The following NEGR1 variants were observed in gnomAD, a reference collection of about 807,000 sequenced individuals.
The protein encoded by NEGR1 is neuronal growth regulator 1, also known as IgLON family member 4.
Under a neutral mutation model 40.9 loss-of-function variants are expected in NEGR1, and 10 were observed. The observed-to-expected ratio is 0.24, with a 90% CI of 0.15 to 0.42. The LOEUF is 0.42. NEGR1 is among the 10% of genes least tolerant of loss of function. The probability of loss-of-function intolerance (pLI) is 1.00; values close to 1 mark genes in which losing one functional copy is unlikely to be tolerated. For missense variants in NEGR1, 352 were observed against 438.9 expected (o/e 0.80, Z 1.77); for synonymous variants, 185 against 166.8 (o/e 1.11, Z -0.84).
intron 6 of NEGR1, among the ~76,000 whole-genome samples, chr1:71,557,021 A>G (rs1648275809): frequency 2.0e-5 from 3 of 151,632 alleles, no homozygotes; most frequent in Admixed American, 1.3e-4. Context: ...AAAGGCTATG[A>G]GTTGGAATGG....
intron 4 of NEGR1, among the ~76,000 whole-genome samples, chr1:71,682,975 G>A (rs944505954): frequency 1.3e-5 from 2 of 151,774 alleles, no homozygotes; most frequent in Admixed American, 6.6e-5. Context: ...TCAGGGCGAG[G>A]CTTCTTGTAC....
rs538134616 is a variant in NEGR1, at chr1:71,478,810, G to A, written c.941-71240C>T. Among the ~76,000 whole-genome samples, 3 of 142,534 alleles carry A rather than the reference G, an allele frequency of 2.1e-5. No individual in the cohort carries two copies. In the Admixed American group the frequency reaches 2.3e-4, roughly 11 times the overall value. 93.5% of individuals were successfully genotyped at this position (142,534 alleles called of 152,430 possible). ...ACTATGGAGACAGAATTAGAGTTTT[G>A]GTGTGTTAGTAGTGGTGCCTGAGAT... On this transcript the variant is annotated intron_variant, in intron 6 of 6. Coordinates refer to ENST00000357731, the MANE Select transcript of NEGR1 (RefSeq NM_173808.3).
intron 6 of NEGR1, among the ~76,000 whole-genome samples, chr1:71,488,307 A>G (rs1048006309): frequency 6.6e-6 from 1 of 151,814 alleles, no homozygotes. Flanking sequence ...TTGATGAGAA[A>G]GGATACAGTG....
At chr1:71,993,282 T>C (rs1051915818) in intron 1 of NEGR1, among the ~76,000 whole-genome samples, 8 of 152,264 alleles carry the variant, frequency 5.3e-5, no homozygotes, top group Non-Finnish European at 8.8e-5. Context: ...ACTTTGAAGG[T>C]AGCAAAGTAA....
chr1:72,218,890 A>C (rs1653917179), intron 1 of NEGR1, among the ~76,000 whole-genome samples: 1 of 152,086 alleles, frequency 6.6e-6, no homozygotes, highest in Non-Finnish European at 1.5e-5. Context: ...ACAAAAAGAA[A>C]AGGTTGCTGT....
intron 1 of NEGR1, among the ~76,000 whole-genome samples, chr1:72,251,933 T>C (rs1237400624): frequency 3.9e-5 from 6 of 152,206 alleles, no homozygotes; most frequent in Non-Finnish European, 5.9e-5. Context: ...CAGTTTTCTT[T>C]AGAAAACTTT....
intron 6 of NEGR1, among the ~76,000 whole-genome samples, chr1:71,490,536 C>A (rs772914217): frequency 6.6e-6 from 1 of 151,974 alleles, no homozygotes; most frequent in Non-Finnish European, 1.5e-5. Context: ...CTGTTTCAAA[C>A]GTAAATCCCC....
At chr1:72,230,786 G>A (rs930262268) in intron 1 of NEGR1, among the ~76,000 whole-genome samples, 7 of 151,992 alleles carry the variant, frequency 4.6e-5, no homozygotes, top group East Asian at 1.9e-4. Context: ...TAATAAGCAC[G>A]CTCTTGTTTT....
At chr1:72,115,313 C>T (rs1649539784) in intron 1 of NEGR1, among the ~76,000 whole-genome samples, 1 of 151,720 alleles carries the variant, frequency 6.6e-6, no homozygotes. Context: ...TGGAGGCATT[C>T]TGAACAGATC....
intron 3 of NEGR1, among the ~76,000 whole-genome samples, chr1:71,775,039 T>G (rs538454228): frequency 6.6e-6 from 1 of 152,296 alleles, no homozygotes; most frequent in South Asian, 2.1e-4. Context: ...CAGTTAAAAT[T>G]TAATTCTAAC....
chr1:71,433,226 TTG>T (rs1248295370), intron 6 of NEGR1, among the ~76,000 whole-genome samples: 1 of 152,234 alleles, frequency 6.6e-6, no homozygotes, highest in Non-Finnish European at 1.5e-5. Flanking sequence ...TATTTATAAA[TTG>T]TTCAGTCTCA....
chr1:71,792,035 A>T (rs1657137420), intron 2 of NEGR1, among the ~76,000 whole-genome samples: 2 of 152,150 alleles, frequency 1.3e-5, no homozygotes, highest in African/African-American at 4.8e-5. Flanking sequence ...TTAGGATGAG[A>T]ATAAATTATA....
At chr1:72,049,309 C>T (rs1569877782) in intron 1 of NEGR1, among the ~76,000 whole-genome samples, 2 of 151,582 alleles carry the variant, frequency 1.3e-5, no homozygotes, top group South Asian at 2.1e-4. Context: ...TGCATTCTAG[C>T]CTGGGCAAAA....
In NEGR1 at chr1:71,485,686, A is replaced by C. The variant is rs150636002; in HGVS notation, c.941-78116T>G. Among the ~76,000 whole-genome samples the C allele has an allele frequency of 7.9e-5, 12 of 151,832 alleles. 1 individual carries two copies. The East Asian group carries it at 2.3e-3, about 30-fold the overall frequency. ...GAATGACATATAGTAGGAATTACATAGTAGGTAGCCTTTTCAGACTGTCTT... is the reference window on the plus strand; with the variant it reads ...GAATGACATATAGTAGGAATTACATCGTAGGTAGCCTTTTCAGACTGTCTT... On this transcript the variant is annotated intron_variant, in intron 6 of 6. Coordinates refer to ENST00000357731, the MANE Select transcript of NEGR1 (RefSeq NM_173808.3).
At chr1:71,458,844 C>G (rs1279661446) in intron 6 of NEGR1, among the ~76,000 whole-genome samples, 1 of 152,118 alleles carries the variant, frequency 6.6e-6, no homozygotes, top group African/African-American at 2.4e-5. Flanking sequence ...ATGACTTTAA[C>G]TTTTTCTTTA....
chr1:71,683,788 T>TA (rs1652921599), intron 4 of NEGR1, among the ~76,000 whole-genome samples: 3 of 151,302 alleles, frequency 2.0e-5, no homozygotes, highest in Admixed American at 2.0e-4. Context: ...TTTTTTTTTT[T>TA]AATTTTCAGG....
intron 2 of NEGR1, among the ~76,000 whole-genome samples, chr1:71,858,648 A>T (rs1191517358): frequency 1.3e-5 from 2 of 152,232 alleles, no homozygotes; most frequent in African/African-American, 4.8e-5. Context: ...ATGGAAAACA[A>T]ATGAACAAAC....
At chr1:72,029,059 C>A (rs944138993) in intron 1 of NEGR1, among the ~76,000 whole-genome samples, 5 of 152,054 alleles carry the variant, frequency 3.3e-5, no homozygotes, top group African/African-American at 1.2e-4. Context: ...AAACAAGATA[C>A]CAGATCAACC....
rs57576840 is a variant in NEGR1 at position 71,780,040 on chromosome 1, CAAAAAAAAAAAAAAAAAAAAA to C, written c.410-3764_410-3744del. 3.0e-5 allele frequency among the ~76,000 whole-genome samples: 3 copies of C among 99,734 alleles called. 1 individual carries two copies. Among genetic ancestry groups the C allele is most frequent in the African/African-American group, 4.7e-5 (1 of 21,178 alleles). 65.4% of individuals were successfully genotyped at this position (99,734 alleles called of 152,430 possible). A position where few individuals can be genotyped will look rare whatever the true frequency, so the allele number is the denominator to read the frequency against. On this transcript the variant is annotated intron_variant, in intron 2 of 6. Transcript: ENST00000357731. Reference sequence around the variant, plus strand: ...GTGCTAAGCACTTGCATAGGAAAACCAAAAAAAAAAAAAAAAAAAAAAAAAAAAAAAGAAAAAAAATAGAGG... The same window carrying C: ...GTGCTAAGCACTTGCATAGGAAAACCAAAAAAAAAAGAAAAAAAATAGAGG...
Sources: allele counts gnomAD v4.1 joint callset (sites outside exome capture counted in the v4.1 genomes callset), GRCh38; gene constraint gnomAD v4.1.1; transcripts MANE v1.5; gene names NCBI Gene and HGNC (gene_info 2026-07-23, HGNC 2026-07-21).